The following ARB2A variants were observed in gnomAD, a reference collection of about 807,000 sequenced individuals.
ARB2A encodes the protein cotranscriptional regulator ARB2A.
At chr5:94,079,499 T>G in the ARB2A span, among the ~76,000 whole-genome samples, 4 of 152,114 alleles carry the variant, frequency 2.6e-5, no homozygotes, top group Non-Finnish European at 4.4e-5. Flanking sequence ...CTAACTCAGG[T>G]CTTCTGACTC....
the ARB2A span, among the ~76,000 whole-genome samples, chr5:93,899,145 T>C: frequency 2.6e-5 from 4 of 152,098 alleles, no homozygotes; most frequent in African/African-American, 9.7e-5. Context: ...CACATATATA[T>C]AGATGGCACT....
At chr5:93,986,134 G>A in the ARB2A span, among the ~76,000 whole-genome samples, 11 of 146,680 alleles carry the variant, frequency 7.5e-5, no homozygotes, top group African/African-American at 1.8e-4. Flanking sequence ...GGTGAGGAGC[G>A]CCTCTGCCCG....
At chr5:93,967,905 T>C in the ARB2A span, among the ~76,000 whole-genome samples, 4 of 151,880 alleles carry the variant, frequency 2.6e-5, no homozygotes, top group African/African-American at 9.7e-5. Flanking sequence ...TCAACAGAGT[T>C]CCTATAAAAT....
the ARB2A span, among the ~76,000 whole-genome samples, chr5:94,004,998 CAAAAAAAAAAA>C: frequency 3.7e-3 from 46 of 12,550 alleles, no homozygotes; most frequent in African/African-American, 7.8e-3. Flanking sequence ...ATTTTATCAG[CAAAAAAAAAAA>C]AAAAAAAAAA....
At chr5:93,652,365 TA>T in the ARB2A span, among the ~76,000 whole-genome samples, 1 of 152,192 alleles carries the variant, frequency 6.6e-6, no homozygotes, top group African/African-American at 2.4e-5. Flanking sequence ...ATCAGAATAA[TA>T]ATTTTGACTA....
the ARB2A span, among the ~76,000 whole-genome samples, chr5:93,716,409 C>G: frequency 6.6e-6 from 1 of 152,004 alleles, no homozygotes; most frequent in African/African-American, 2.4e-5. Context: ...GGTTCAAGTT[C>G]TACATATTTA....
the ARB2A span, among the ~76,000 whole-genome samples, chr5:93,709,278 A>G: frequency 6.6e-6 from 1 of 152,106 alleles, no homozygotes; most frequent in Non-Finnish European, 1.5e-5. Context: ...CATGGTTGGT[A>G]GATACTAAAA....
the ARB2A span, among the ~76,000 whole-genome samples, chr5:93,987,135 C>T: frequency 6.6e-6 from 1 of 151,906 alleles, no homozygotes; most frequent in Non-Finnish European, 1.5e-5. Flanking sequence ...AAATAAAGAT[C>T]GACCCTGTAA....
the ARB2A span, among the ~76,000 whole-genome samples, chr5:93,965,471 A>C: frequency 1.3e-5 from 2 of 152,062 alleles, no homozygotes; most frequent in African/African-American, 2.4e-5. Context: ...TCTGATCTAC[A>C]GAATTGTTAA....
At chr5:93,913,481 C>A in the ARB2A span, among the ~76,000 whole-genome samples, 1 of 151,872 alleles carries the variant, frequency 6.6e-6, no homozygotes, top group Non-Finnish European at 1.5e-5. Context: ...GATACTAGAG[C>A]CAATAACGAT....
the ARB2A span, among the ~76,000 whole-genome samples, chr5:93,668,642 TG>T: frequency 6.6e-6 from 1 of 151,384 alleles, no homozygotes; most frequent in East Asian, 1.9e-4. Context: ...AGATGGTATT[TG>T]TTTTTTTTGA....
the ARB2A span, chr5:93,734,836 A>T: frequency 2.0e-5 from 3 of 151,450 alleles, no homozygotes; most frequent in African/African-American, 7.3e-5. Context: ...TTTGAGACAG[A>T]GTCTCACTTT....
the ARB2A span, among the ~76,000 whole-genome samples, chr5:93,961,950 TCTGA>T: frequency 2.0e-5 from 3 of 152,136 alleles, no homozygotes; most frequent in Non-Finnish European, 4.4e-5. Flanking sequence ...TACACAGAAC[TCTGA>T]CTGTGCACAT....
At chr5:93,908,381 A>G in the ARB2A span, among the ~76,000 whole-genome samples, 5 of 150,926 alleles carry the variant, frequency 3.3e-5, no homozygotes, top group African/African-American at 1.2e-4. Flanking sequence ...TTTAAAAAAT[A>G]AACTTATATT....
chr5:94,080,368 A>T, the ARB2A span, among the ~76,000 whole-genome samples: 1 of 152,220 alleles, frequency 6.6e-6, no homozygotes, highest in African/African-American at 2.4e-5. Context: ...ACCATGAAAT[A>T]ACAGTAATAA....
the ARB2A span, among the ~76,000 whole-genome samples, chr5:93,995,923 G>A: frequency 4.6e-5 from 7 of 152,020 alleles, no homozygotes; most frequent in East Asian, 1.2e-3. Context: ...TACAGTATTG[G>A]GTATGTAGTT....
the ARB2A span, among the ~76,000 whole-genome samples, chr5:93,842,571 G>T: frequency 1.3e-5 from 2 of 152,060 alleles, no homozygotes; most frequent in East Asian, 3.9e-4. Flanking sequence ...GGAAAAAAAT[G>T]ACAACATTTT....
At chr5:94,105,005 G>C in the ARB2A span, among the ~76,000 whole-genome samples, 2 of 151,822 alleles carry the variant, frequency 1.3e-5, no homozygotes, top group South Asian at 2.1e-4. Flanking sequence ...TAAATAAAAA[G>C]AGCCAGTTAT....
the ARB2A span, among the ~76,000 whole-genome samples, chr5:94,031,631 AC>A: frequency 6.6e-6 from 1 of 152,246 alleles, no homozygotes; most frequent in African/African-American, 2.4e-5. Context: ...GGTGTAGCTC[AC>A]AGGCCATTTG....
Sources: gnomAD v4.1 joint callset for allele counts (sites outside exome capture counted in the v4.1 genomes callset) on GRCh38, gnomAD v4.1.1 for gene constraint, MANE v1.5 for transcripts, NCBI Gene and HGNC (gene_info 2026-07-23, HGNC 2026-07-21) for gene names.